The following TNC variants were observed in gnomAD, a reference collection of about 807,000 sequenced individuals.
TNC encodes the protein tenascin C.
In TNC, 109 loss-of-function variants were observed where a neutral mutation model predicts 202.4. The ratio of observed to expected loss-of-function variants is 0.54; its 90% CI spans 0.46 to 0.63. The LOEUF (loss-of-function observed/expected upper bound fraction) is 0.63, where lower values mean the gene tolerates loss of function less well. Among genes scored for constraint, TNC ranks in the 30% least tolerant of loss-of-function variants. The pLI is 0.00. For missense variants in TNC, 2,756 were observed against 2,833.3 expected, an observed-to-expected ratio of 0.97 and a Z score of 0.62; for synonymous variants, 1,007 against 1,089.7, an observed-to-expected ratio of 0.92 and a Z score of 1.50.
rs373925793 is a variant in TNC at position 115,076,531 on chromosome 9, T to C, written c.2719A>G (p.Asn907Asp). Residue 907 changes from asparagine to aspartate, a missense_variant, in exon 8 of 28, where the codon AAC becomes GAC. Coordinates refer to ENST00000350763, the MANE Select transcript of TNC (RefSeq NM_002160.4). ...RNLRRVSQTD[N>D]SITLEWRNGK... ...TTCCTCCATTCCAGGGTGATGCTGT[T>C]ATCTGTCTGGGAAACACGTCGAAGA... 4 of 1,614,228 alleles carry C rather than the reference T, an allele frequency of 2.5e-6. No homozygotes were observed. The highest frequency in any genetic ancestry group is 1.3e-5 in the African/African-American group (1 of 75,056).
chr9:115,039,585 A>C (rs1051955705), intron 19 of TNC, among the ~76,000 whole-genome samples: 9 of 152,164 alleles, frequency 5.9e-5, no homozygotes, highest in Admixed American at 4.6e-4. Flanking sequence ...TTACTACTCA[A>C]TTGTGCCCAT....
At chr9:115,049,833 A>T (rs12344929) in intron 15 of TNC, among the ~76,000 whole-genome samples, 12,798 of 152,192 alleles carry the variant, frequency 0.084, 601 homozygotes, top group Middle Eastern at 0.16. Context: ...AATCCATGAG[A>T]CATAAAGAAA....
intron 1 of TNC, among the ~76,000 whole-genome samples, chr9:115,095,303 C>A (rs1835557898): frequency 6.6e-6 from 1 of 151,594 alleles, no homozygotes; most frequent in African/African-American, 2.4e-5. Flanking sequence ...GAATGTTTTT[C>A]TTTTCTAGGA....
chr9:115,056,152 C>T (rs1434032143), intron 15 of TNC, among the ~76,000 whole-genome samples: 1 of 152,122 alleles, frequency 6.6e-6, no homozygotes, highest in East Asian at 1.9e-4. Context: ...CATGAGTCCC[C>T]TTTTTGTAAA....
chr9:115,027,743 G>A (rs890982331), intron 25 of TNC, among the ~76,000 whole-genome samples: 3 of 152,182 alleles, frequency 2.0e-5, no homozygotes, highest in African/African-American at 7.2e-5. Context: ...TAGGTGGTTG[G>A]AAAGTGTGGA....
chr9:115,077,720 C>T (rs1201175884), intron 7 of TNC, among the ~76,000 whole-genome samples: 1 of 152,192 alleles, frequency 6.6e-6, no homozygotes, highest in Non-Finnish European at 1.5e-5. Flanking sequence ...GCATCTTCTA[C>T]ATATGTCCCC....
At chr9:115,107,317 A>T (rs1379433410) in intron 1 of TNC, among the ~76,000 whole-genome samples, 2 of 152,174 alleles carry the variant, frequency 1.3e-5, no homozygotes, top group African/African-American at 4.8e-5. Context: ...CAAACAAATG[A>T]GCATGGCTGT....
chr9:115,041,117 T>G (rs765844874), intron 18 of TNC, 33 bp from the exon 19 acceptor site: 1 of 1,587,710 alleles, frequency 6.3e-7, no homozygotes, highest in African/African-American at 1.3e-5. Flanking sequence ...TGAGGAATAA[T>G]GAACCTCACT....
chr9:115,111,391 C>G (rs1588245214), intron 1 of TNC, among the ~76,000 whole-genome samples: 1 of 124,358 alleles, frequency 8.0e-6, no homozygotes, highest in Non-Finnish European at 1.6e-5. Context: ...GACTTTCTCT[C>G]TCTCTCTCTT....
At chr9:115,097,383 G>A (rs1013761545) in intron 1 of TNC, among the ~76,000 whole-genome samples, 3 of 152,088 alleles carry the variant, frequency 2.0e-5, no homozygotes, top group Admixed American at 6.6e-5. Context: ...TAGCAGCAGC[G>A]GTAATAACAA....
Position 115,085,908 on chromosome 9 carries a change from C to T in TNC, c.1823G>A (p.Arg608His), listed in dbSNP as rs770024741. 5.5e-5 allele frequency: 88 copies of T among 1,612,544 alleles called. No homozygotes were observed. In the East Asian group the frequency reaches 1.5e-3, roughly 27 times the overall value. The change falls in exon 3 of 28, where the codon CGC (arginine) becomes CAC (histidine). Residue 608 changes from arginine (R) to histidine (H), a missense_variant. This residue lies in a region of TNC where 2,559 missense variants were observed against 2,546.0 expected (regional missense o/e 1.01). Coordinates refer to ENST00000350763, the MANE Select transcript of TNC (RefSeq NM_002160.4). ...CNNLGQCVSG[R>H]CICNEGYSGE... The stretch of plus-strand genomic sequence containing the variant: ...GCTGTAGCCCTCGTTGCAGATGCAG[C>T]GGCCCGAGACGCATTGTCCTAAGTT...
chr9:115,070,584 G>T (rs1833392235), intron 10 of TNC, among the ~76,000 whole-genome samples: 1 of 152,192 alleles, frequency 6.6e-6, no homozygotes. Context: ...TCAAGAAAAA[G>T]ACTTACATTA....
chr9:115,070,862 A>C (rs977886930), intron 10 of TNC, among the ~76,000 whole-genome samples: 1 of 152,202 alleles, frequency 6.6e-6, no homozygotes, highest in Admixed American at 6.5e-5. Flanking sequence ...TATGCTTACC[A>C]AGGTCAGGTG....
chr9:115,070,696 G>A (rs12342409), intron 10 of TNC, among the ~76,000 whole-genome samples: 20,319 of 152,168 alleles, frequency 0.13, 1,460 homozygotes, highest in Non-Finnish European at 0.16. Context: ...ATTGAGTGGC[G>A]CCTGGCAGGC....
rs1757096 is a variant in TNC at position 115,087,362 on chromosome 9, T to G, written c.458-89A>C. The G allele has an allele frequency of 0.43, 588,117 of 1,361,402 alleles. 128,768 individuals carry two copies. The highest frequency in any genetic ancestry group is 0.55 in the Admixed American group (26,198 of 47,412). The allele number at this position is 1,361,402 out of a possible 1,614,324, so 84.3% of individuals were successfully genotyped here. A position where few individuals can be genotyped will look rare whatever the true frequency, so the allele number is the denominator to read the frequency against. ...CAGGGCACCCAGATTCAAATTCAGCTGAAGGACGGTTGCACCCTCAGGCTC... is the reference window on the plus strand; with the variant it reads ...CAGGGCACCCAGATTCAAATTCAGCGGAAGGACGGTTGCACCCTCAGGCTC... On this transcript the variant is annotated intron_variant, in intron 2 of 27. Transcript: ENST00000350763.
chr9:115,035,973 T>C, intron 21 of TNC, 125 bp downstream of exon 21: 1 of 1,114,416 alleles, frequency 9.0e-7, no homozygotes, highest in Non-Finnish European at 1.3e-6. Flanking sequence ...TAAGTGATGC[T>C]GATGTAATCA....
At chr9:115,072,602 A>G (rs761121868) in intron 10 of TNC, among the ~76,000 whole-genome samples, 33 of 152,148 alleles carry the variant, frequency 2.2e-4, no homozygotes, top group Non-Finnish European at 4.6e-4. Flanking sequence ...ATTTCCTTGG[A>G]TCACTCTTTT....
intron 1 of TNC, among the ~76,000 whole-genome samples, chr9:115,096,597 G>A (rs73555009): frequency 0.025 from 3,745 of 151,188 alleles, 153 homozygotes; most frequent in African/African-American, 0.086. Flanking sequence ...AATGAAAATG[G>A]GTGAGTACCT....
chr9:115,112,782 TTG>T (rs1168476823), intron 1 of TNC: 1 of 152,526 alleles, frequency 6.6e-6, no homozygotes, highest in Non-Finnish European at 1.5e-5. Flanking sequence ...CCTAACATTC[TTG>T]ACCTCAGTGG....
Sources: allele counts gnomAD v4.1 joint callset (sites outside exome capture counted in the v4.1 genomes callset), GRCh38; gene constraint gnomAD v4.1.1; regional missense constraint gnomAD v4.1.1; transcripts MANE v1.5; gene names NCBI Gene and HGNC (gene_info 2026-07-23, HGNC 2026-07-21).